Variants in DLGAP2 observed in about 807,000 individuals in gnomAD.
DLGAP2 encodes the protein DLG associated protein 2.
DLGAP2 carries 26 observed loss-of-function variants against 100.3 expected under a neutral mutation model. That is an observed-to-expected ratio of 0.26 (90% CI 0.19 to 0.36). DLGAP2 has a LOEUF of 0.36. Among genes scored for constraint, DLGAP2 ranks in the 10% least tolerant of loss-of-function variants. The probability of loss-of-function intolerance (pLI) is 1.00; values close to 1 mark genes in which losing one functional copy is unlikely to be tolerated. For synonymous variants in DLGAP2, 886 were observed against 630.1 expected, an observed-to-expected ratio of 1.41 and a Z score of -6.08; for missense variants, 1,858 against 1,453.2, an observed-to-expected ratio of 1.28 and a Z score of -4.53.
At chr8:1,567,378 G>C (rs1324633758) in intron 6 of DLGAP2, among the ~76,000 whole-genome samples, 1 of 152,216 alleles carries the variant, frequency 6.6e-6, no homozygotes, top group Non-Finnish European at 1.5e-5. Flanking sequence ...CAGTCCTGGG[G>C]TTTTGGACCC....
intron 1 of DLGAP2, among the ~76,000 whole-genome samples, chr8:844,444 C>G (rs982501530): frequency 4.6e-5 from 7 of 152,312 alleles, no homozygotes; most frequent in African/African-American, 1.7e-4. Flanking sequence ...GCCGTGCTGT[C>G]CTTCCTCACC....
intron 8 of DLGAP2, among the ~76,000 whole-genome samples, chr8:1,655,984 C>T (rs1585037163): frequency 1.3e-5 from 2 of 152,160 alleles, no homozygotes; most frequent in South Asian, 4.1e-4. Context: ...CAGCGTGTGC[C>T]GCAGAGGAAC....
chr8:758,628 C>G lies in DLGAP2; in HGVS notation c.18+20803C>G, dbSNP rs144560283. On this transcript the variant is annotated intron_variant, in intron 1 of 14. Coordinates refer to ENST00000637795, the MANE Select transcript of DLGAP2 (RefSeq NM_001346810.2). ...CCAGGCTGGAGTGCAGTGGTGCAGT[C>G]ATGACTCACTGCAGCTTCAACCACC... Among the ~76,000 whole-genome samples the G allele has an allele frequency of 5.4e-3, 818 of 152,210 alleles. 7 individuals are homozygous for G. Among genetic ancestry groups the G allele is most frequent in the African/African-American group, 0.019 (772 of 41,534 alleles).
At chr8:966,154 G>A (rs1799866107) in intron 2 of DLGAP2, among the ~76,000 whole-genome samples, 1 of 152,196 alleles carries the variant, frequency 6.6e-6, no homozygotes, top group Non-Finnish European at 1.5e-5. Context: ...CACAGTAAAC[G>A]CAGCTGTAAC....
chr8:947,780 C>T (rs1799365534), intron 2 of DLGAP2, among the ~76,000 whole-genome samples: 1 of 152,302 alleles, frequency 6.6e-6, no homozygotes, highest in African/African-American at 2.4e-5. Flanking sequence ...CCTGTGCCAG[C>T]CAGCATGTGC....
Position 1,025,424 on chromosome 8 carries a change from T to C in DLGAP2, c.73+117458T>C, listed in dbSNP as rs550345485. 2.6e-5 allele frequency among the ~76,000 whole-genome samples: 4 copies of C among 152,328 alleles called. No individual in the cohort carries two copies. In the South Asian group the frequency reaches 8.3e-4, roughly 32 times the overall value. On this transcript the variant is annotated intron_variant, in intron 2 of 14. Transcript: ENST00000637795. ...CAAAGATTAATAAAATAGGATTCTT[T>C]CCAGAGAAGCCCATTTTCTGGTTGG...
At chr8:1,098,878 C>T (rs1482850685) in intron 2 of DLGAP2, among the ~76,000 whole-genome samples, 2 of 152,258 alleles carry the variant, frequency 1.3e-5, no homozygotes, top group Non-Finnish European at 2.9e-5. Context: ...CCTTCGTCCT[C>T]ACTTGCTTTG....
chr8:1,176,845 C>T (rs1006713189), intron 2 of DLGAP2, among the ~76,000 whole-genome samples: 10 of 152,140 alleles, frequency 6.6e-5, no homozygotes, highest in African/African-American at 2.4e-4. Flanking sequence ...GGCTTCTTTC[C>T]ACCCTCTCAT....
chr8:1,517,209 T>A (rs1800422279), intron 4 of DLGAP2, among the ~76,000 whole-genome samples: 1 of 152,056 alleles, frequency 6.6e-6, no homozygotes, highest in Non-Finnish European at 1.5e-5. Flanking sequence ...AGGGGTGATG[T>A]TAGAAAGTGA....
chr8:1,598,798 A>G (rs1203663091), intron 6 of DLGAP2, among the ~76,000 whole-genome samples: 3 of 151,820 alleles, frequency 2.0e-5, no homozygotes, highest in Non-Finnish European at 4.4e-5. Context: ...TATTTTGTTA[A>G]TCTTTTCAAA....
chr8:1,269,770 A>G (rs1017741337), intron 3 of DLGAP2, among the ~76,000 whole-genome samples: 2 of 152,168 alleles, frequency 1.3e-5, no homozygotes, highest in African/African-American at 4.8e-5. Flanking sequence ...TAAGCAAAAA[A>G]GGCTGGCGAG....
At chr8:1,243,834 C>T (rs895267415) in intron 2 of DLGAP2, among the ~76,000 whole-genome samples, 2 of 152,196 alleles carry the variant, frequency 1.3e-5, no homozygotes, top group South Asian at 4.1e-4. Flanking sequence ...TTATATAACT[C>T]CTTTTCTTCA....
At chr8:1,466,333 G>C (rs981094511) in intron 3 of DLGAP2, among the ~76,000 whole-genome samples, 2 of 151,954 alleles carry the variant, frequency 1.3e-5, no homozygotes, top group Non-Finnish European at 2.9e-5. Context: ...AGGCCCAGCC[G>C]ACCCTCATCC....
chr8:1,111,048 T>C (rs542290658), intron 2 of DLGAP2, among the ~76,000 whole-genome samples: 1 of 152,324 alleles, frequency 6.6e-6, no homozygotes, highest in South Asian at 2.1e-4. Flanking sequence ...TCCACACCCG[T>C]GTGCCACCTG....
chr8:1,698,431 AGTAGG>A (rs1372081487), intron 14 of DLGAP2, among the ~76,000 whole-genome samples: 2 of 148,716 alleles, frequency 1.3e-5, no homozygotes, highest in African/African-American at 2.5e-5. Context: ...CATGCATGGG[AGTAGG>A]CTGGTCCACG....
chr8:1,409,790 A>G (rs995982212), intron 3 of DLGAP2, among the ~76,000 whole-genome samples: 4 of 152,136 alleles, frequency 2.6e-5, no homozygotes, highest in African/African-American at 9.7e-5. Flanking sequence ...TGGGACCTTC[A>G]TCTTCTCCTG....
At chr8:1,025,090 G>A (rs1204147337) in intron 2 of DLGAP2, among the ~76,000 whole-genome samples, 1 of 151,662 alleles carries the variant, frequency 6.6e-6, no homozygotes, top group South Asian at 2.1e-4. Flanking sequence ...GTGTGCGCGT[G>A]TATGTGTGTG....
rs1489305486 is a variant in DLGAP2, at chr8:1,316,173, A to C, written c.106+57290A>C. ...CCCCAACAGTGGTCTACACTCGAGA[A>C]ACTCAGCAGCGTTTAAAAATAGAGC... On this transcript the variant is annotated intron_variant, in intron 3 of 14. Transcript: ENST00000637795. Among the ~76,000 whole-genome samples, 15 of 112,748 alleles carry C rather than the reference A, an allele frequency of 1.3e-4. 1 individual carries two copies. The highest frequency in any genetic ancestry group is 2.3e-4 in the African/African-American group (7 of 30,902). The allele number at this position is 112,748 out of a possible 152,430, so 74.0% of individuals were successfully genotyped here. A position where few individuals can be genotyped will look rare whatever the true frequency, so the allele number is the denominator to read the frequency against.
chr8:966,763 C>T (rs1039490053), intron 2 of DLGAP2, among the ~76,000 whole-genome samples: 1 of 152,232 alleles, frequency 6.6e-6, no homozygotes, highest in Non-Finnish European at 1.5e-5. Context: ...GCATCTGCCT[C>T]TCCTCACATT....
Sources: gnomAD v4.1 joint callset for allele counts (sites outside exome capture counted in the v4.1 genomes callset) on GRCh38, gnomAD v4.1.1 for gene constraint, MANE v1.5 for transcripts, NCBI Gene and HGNC (gene_info 2026-07-23, HGNC 2026-07-21) for gene names.